HUNK: variants seen among roughly 807,000 people sequenced by gnomAD.
HUNK encodes hormonally up-regulated neu tumor-associated kinase.
A neutral mutation model predicts 61.0 loss-of-function variants in HUNK; 21 were observed. The observed-to-expected ratio is 0.34, with a 90% CI of 0.24 to 0.50. The LOEUF (loss-of-function observed/expected upper bound fraction) is 0.50, where lower values mean the gene tolerates loss of function less well. Ranked by LOEUF, HUNK falls within the 20% of genes least tolerant of loss-of-function variation. The pLI is 0.98. For synonymous variants in HUNK, 371 were observed against 386.1 expected, an observed-to-expected ratio of 0.96 and a Z score of 0.46; for missense variants, 772 against 945.7, an observed-to-expected ratio of 0.82 and a Z score of 2.41.
intron 1 of HUNK, among the ~76,000 whole-genome samples, chr21:31,890,713 A>C (rs1568917633): frequency 6.6e-6 from 1 of 152,156 alleles, no homozygotes; most frequent in Non-Finnish European, 1.5e-5. Context: ...CCTTAACATA[A>C]ATACTTGGAA....
chr21:31,960,109 G>T (rs1295252929), intron 5 of HUNK, among the ~76,000 whole-genome samples: 1 of 152,218 alleles, frequency 6.6e-6, no homozygotes, highest in South Asian at 2.1e-4. Context: ...GTGCGGCAGA[G>T]CACTCTGAGG....
chr21:31,888,822 A>G (rs1236922581), intron 1 of HUNK, among the ~76,000 whole-genome samples: 2 of 152,152 alleles, frequency 1.3e-5, no homozygotes, highest in African/African-American at 4.8e-5. Context: ...ATGTGTGTAT[A>G]TATATATAAA....
chr21:31,875,270 G>GT (rs1318789380), intron 1 of HUNK, among the ~76,000 whole-genome samples: 19 of 152,118 alleles, frequency 1.2e-4, no homozygotes, highest in African/African-American at 4.3e-4. Context: ...CACCCCACCT[G>GT]TAGTTCCCTC....
intron 6 of HUNK, among the ~76,000 whole-genome samples, chr21:31,968,723 T>A (rs879770553): frequency 0.043 from 5,323 of 124,766 alleles, 133 homozygotes; most frequent in Non-Finnish European, 0.065. Context: ...CGAGTGTGTG[T>A]GTGTGTGTGT....
intron 1 of HUNK, among the ~76,000 whole-genome samples, chr21:31,890,223 G>A (rs897362176): frequency 6.8e-6 from 1 of 146,974 alleles, no homozygotes; most frequent in South Asian, 2.2e-4. Flanking sequence ...CATTCTCTCT[G>A]TTTTAGATAC....
Position 31,877,508 on chromosome 21 carries a change from A to G in HUNK, c.261+3573A>G, listed in dbSNP as rs75488335. ...TGGCTCTTTTACTGCTTGTAAAGGA[A>G]AGATGGCTTGCGGCTGAGACCTAAT... On this transcript the variant is annotated intron_variant, in intron 1 of 10. Coordinates refer to ENST00000270112, the MANE Select transcript of HUNK (RefSeq NM_014586.2). 2.4e-3 allele frequency among the ~76,000 whole-genome samples: 369 copies of G among 152,278 alleles called. 1 individual carries two copies. The highest frequency in any genetic ancestry group is 8.5e-3 in the African/African-American group (353 of 41,554).
rs1031422322 is a variant in HUNK, at chr21:31,999,519, C to T, written c.*335C>T. ...CCTTCTGGGGCACTCAGATTATGGA[C>T]TGTTACCAGATCTTTCTTCACGCTG... On this transcript the variant is annotated 3_prime_UTR_variant, in exon 11 of 11. Transcript: ENST00000270112. The T allele has an allele frequency of 2.7e-5, 8 of 293,842 alleles. No individual in the cohort carries two copies. Among genetic ancestry groups the T allele is most frequent in the Non-Finnish European group, 5.1e-5 (8 of 158,202 alleles). 18.2% of individuals were successfully genotyped at this position (293,842 alleles called of 1,614,324 possible).
intron 9 of HUNK, among the ~76,000 whole-genome samples, chr21:31,995,124 A>G (rs946318339): frequency 1.4e-5 from 2 of 138,138 alleles, no homozygotes; most frequent in Non-Finnish European, 3.0e-5. Flanking sequence ...ACACCACTGC[A>G]CCCCAGCCTG....
At chr21:31,926,692 G>T (rs1363108746) in intron 2 of HUNK, among the ~76,000 whole-genome samples, 3 of 151,958 alleles carry the variant, frequency 2.0e-5, no homozygotes, top group African/African-American at 7.3e-5. Flanking sequence ...TCCTTTTTAT[G>T]ACTGCATAAT....
chr21:31,885,532 T>C (rs1165597730), intron 1 of HUNK, among the ~76,000 whole-genome samples: 1 of 152,172 alleles, frequency 6.6e-6, no homozygotes, highest in Non-Finnish European at 1.5e-5. Flanking sequence ...GGGGCTGGAA[T>C]AGCAAGGCCT....
intron 1 of HUNK, among the ~76,000 whole-genome samples, chr21:31,891,891 A>ACCC (rs1455323011): frequency 6.6e-6 from 1 of 152,090 alleles, no homozygotes; most frequent in Non-Finnish European, 1.5e-5. Context: ...AGTGTTTCAT[A>ACCC]GTTGTCTGCA....
intron 8 of HUNK, among the ~76,000 whole-genome samples, chr21:31,989,028 G>T (rs1209611348): frequency 6.6e-6 from 1 of 151,952 alleles, no homozygotes; most frequent in East Asian, 1.9e-4. Context: ...TCAACATGTT[G>T]CCCGGCTGGT....
At chr21:31,973,308 C>T (rs542353800) in intron 6 of HUNK, among the ~76,000 whole-genome samples, 8 of 152,238 alleles carry the variant, frequency 5.3e-5, no homozygotes, top group African/African-American at 1.7e-4. Context: ...TACTATCTCT[C>T]CCCCTTCCCC....
In HUNK at chr21:32,003,091, C is replaced by T. The variant is rs2053256539; in HGVS notation, c.*3907C>T. 1 of 152,250 alleles carries T rather than the reference C, an allele frequency of 6.6e-6. No homozygotes were observed. The highest frequency in any genetic ancestry group is 6.5e-5 in the Admixed American group (1 of 15,280). 9.4% of individuals were successfully genotyped at this position (152,250 alleles called of 1,614,324 possible). On this transcript the variant is annotated 3_prime_UTR_variant, in exon 11 of 11. Coordinates refer to ENST00000270112, the MANE Select transcript of HUNK (RefSeq NM_014586.2). ...TGAGCTGGTCTGGAGCAGAGTTTCT[C>T]CCTCAAAGAACACAGAGAAATCAGA...
intron 1 of HUNK, among the ~76,000 whole-genome samples, chr21:31,906,038 C>T (rs1295290709): frequency 6.6e-6 from 1 of 151,994 alleles, no homozygotes; most frequent in African/African-American, 2.4e-5. Context: ...GGTTTTTGCA[C>T]TGCTGCCCCT....
At chr21:31,885,237 C>T (rs2052337643) in intron 1 of HUNK, among the ~76,000 whole-genome samples, 1 of 152,356 alleles carries the variant, frequency 6.6e-6, no homozygotes, top group Middle Eastern at 3.4e-3. Flanking sequence ...GTAACTTGGA[C>T]ATAAAATGCA....
At chr21:31,937,784 A>G (rs1378255540) in intron 2 of HUNK, among the ~76,000 whole-genome samples, 1 of 152,218 alleles carries the variant, frequency 6.6e-6, no homozygotes, top group South Asian at 2.1e-4. Flanking sequence ...AAAATTATAC[A>G]TTTGTGTTTT....
At chr21:31,965,909 C>A (rs780830679) in intron 5 of HUNK, among the ~76,000 whole-genome samples, 1 of 152,014 alleles carries the variant, frequency 6.6e-6, no homozygotes, top group Admixed American at 6.6e-5. Context: ...GCAATATTTC[C>A]TTTTTTCAAA....
chr21:31,921,971 T>G (rs1001873402), intron 1 of HUNK, among the ~76,000 whole-genome samples: 11 of 151,968 alleles, frequency 7.2e-5, no homozygotes, highest in African/African-American at 2.7e-4. Context: ...GACAGGGTTA[T>G]CAGTTTTGTG....
Sources: gnomAD v4.1 joint callset for allele counts (sites outside exome capture counted in the v4.1 genomes callset) on GRCh38, gnomAD v4.1.1 for gene constraint, MANE v1.5 for transcripts, NCBI Gene and HGNC (gene_info 2026-07-23, HGNC 2026-07-21) for gene names.